Variants in WWOX observed in about 807,000 individuals in gnomAD.
WWOX encodes WW domain-containing oxidoreductase.
Under a neutral mutation model 46.2 loss-of-function variants are expected in WWOX, and 69 were observed. That is an observed-to-expected ratio of 1.49 (90% confidence interval 1.23 to 1.82). The LOEUF is 1.82. Ranked by LOEUF, WWOX falls within the 40% of genes most tolerant of loss-of-function variation. The pLI is 0.00. For synonymous variants in WWOX, 359 were observed against 202.6 expected (o/e 1.77, Z -6.56); for missense variants, 919 against 542.6 (o/e 1.69, Z -6.89).
At chr16:79,186,468 T>A (rs954673164) in intron 8 of WWOX, among the ~76,000 whole-genome samples, 1 of 152,212 alleles carries the variant, frequency 6.6e-6, no homozygotes, top group Non-Finnish European at 1.5e-5. Context: ...TCCCTGTGTG[T>A]TTCTGGATCT....
intron 8 of WWOX, among the ~76,000 whole-genome samples, chr16:78,874,036 C>T (rs552409951): frequency 3.2e-4 from 49 of 151,544 alleles, no homozygotes; most frequent in African/African-American, 9.7e-4. Context: ...CCGGGGTGGG[C>T]GGATCACAAG....
At chr16:78,642,063 A>C (rs1289618034) in intron 8 of WWOX, among the ~76,000 whole-genome samples, 1 of 152,238 alleles carries the variant, frequency 6.6e-6, no homozygotes, top group East Asian at 1.9e-4. Context: ...ATACTCCAGT[A>C]CATTGAGTGT....
chr16:78,179,592 A>T (rs2035463194), intron 5 of WWOX: 1 of 152,246 alleles, frequency 6.6e-6, no homozygotes, highest in Admixed American at 6.5e-5. Flanking sequence ...GATAATAATA[A>T]TAATAACAGT....
intron 4 of WWOX, among the ~76,000 whole-genome samples, chr16:78,148,809 A>G (rs1408964603): frequency 6.8e-6 from 1 of 147,298 alleles, no homozygotes; most frequent in African/African-American, 2.5e-5. Flanking sequence ...GAGGCAGGAG[A>G]ATGGCGTGAA....
At chr16:78,605,582 C>G (rs1158549012) in intron 8 of WWOX, among the ~76,000 whole-genome samples, 1 of 152,180 alleles carries the variant, frequency 6.6e-6, no homozygotes, top group Non-Finnish European at 1.5e-5. Context: ...CAACCAATGC[C>G]TGCCCTTTCT....
intron 8 of WWOX, among the ~76,000 whole-genome samples, chr16:78,899,877 G>T (rs2044785773): frequency 6.6e-6 from 1 of 152,152 alleles, no homozygotes; most frequent in Non-Finnish European, 1.5e-5. Context: ...CATAAATACA[G>T]CCCATTAACA....
chr16:79,144,250 A>G lies in WWOX; in HGVS notation c.1057-67358A>G, dbSNP rs146398102. ...ACCAGGATTTTCATCCCAGCTCTCCAATCCCCCAGCTGTGTGGGCCTGGTC... is the reference window on the plus strand; with the variant it reads ...ACCAGGATTTTCATCCCAGCTCTCCGATCCCCCAGCTGTGTGGGCCTGGTC... On this transcript the variant is annotated intron_variant, in intron 8 of 8. Coordinates refer to ENST00000566780, the MANE Select transcript of WWOX (RefSeq NM_016373.4). 2.6e-3 allele frequency among the ~76,000 whole-genome samples: 396 copies of G among 152,256 alleles called. 2 individuals carry two copies. The highest frequency in any genetic ancestry group is 9.1e-3 in the African/African-American group (376 of 41,544).
At chr16:78,590,444 A>T (rs1212109135) in intron 8 of WWOX, among the ~76,000 whole-genome samples, 1 of 152,188 alleles carries the variant, frequency 6.6e-6, no homozygotes, top group Non-Finnish European at 1.5e-5. Context: ...CAACTCTAAT[A>T]TTATTTGAGC....
intron 8 of WWOX, among the ~76,000 whole-genome samples, chr16:79,056,103 C>T (rs569062401): frequency 2.0e-4 from 30 of 152,032 alleles, no homozygotes; most frequent in Non-Finnish European, 3.2e-4. Flanking sequence ...AGGAAAACCA[C>T]TATCCCCATT....
intron 8 of WWOX, among the ~76,000 whole-genome samples, chr16:78,886,487 G>T (rs748497390): frequency 6.6e-6 from 1 of 151,586 alleles, no homozygotes; most frequent in Non-Finnish European, 1.5e-5. Context: ...GAACATCTCT[G>T]TACAAAATTC....
intron 5 of WWOX, among the ~76,000 whole-genome samples, chr16:78,358,171 C>T (rs564403559): frequency 7.8e-4 from 119 of 152,302 alleles, no homozygotes; most frequent in Non-Finnish European, 1.4e-3. Flanking sequence ...TCTCAACACA[C>T]ATTAATCAAC....
chr16:78,295,117 T>A (rs575837217), intron 5 of WWOX, among the ~76,000 whole-genome samples: 1 of 152,010 alleles, frequency 6.6e-6, no homozygotes, highest in South Asian at 2.1e-4. Flanking sequence ...AATCCAGGAG[T>A]CTCATGTCCC....
intron 5 of WWOX, among the ~76,000 whole-genome samples, chr16:78,316,459 C>T (rs1264385538): frequency 6.6e-6 from 1 of 152,104 alleles, no homozygotes; most frequent in African/African-American, 2.4e-5. Flanking sequence ...TCTCCTGCCT[C>T]AGGCTCCTGA....
intron 8 of WWOX, among the ~76,000 whole-genome samples, chr16:78,611,839 G>A (rs1178629154): frequency 6.6e-6 from 1 of 152,168 alleles, no homozygotes; most frequent in Admixed American, 6.5e-5. Flanking sequence ...GAGACCAAAG[G>A]ATCTTAAAGT....
chr16:78,551,897 T>C (rs1051211862), intron 8 of WWOX: 3 of 152,236 alleles, frequency 2.0e-5, no homozygotes, highest in Non-Finnish European at 2.9e-5. Flanking sequence ...GTTTCTGTTA[T>C]GTGGTTTGCA....
intron 8 of WWOX, among the ~76,000 whole-genome samples, chr16:78,877,266 G>C (rs890123099): frequency 6.9e-6 from 1 of 144,868 alleles, no homozygotes; most frequent in Non-Finnish European, 1.5e-5. Flanking sequence ...CCCTCTGTAT[G>C]CCCTGCCTGC....
At chr16:78,792,495 A>G (rs1460494125) in intron 8 of WWOX, among the ~76,000 whole-genome samples, 1 of 152,206 alleles carries the variant, frequency 6.6e-6, no homozygotes, top group Admixed American at 6.5e-5. Context: ...TACAGACTGA[A>G]AAGGTGCTGC....
intron 6 of WWOX, among the ~76,000 whole-genome samples, chr16:78,422,714 C>CACACACACATATATATATAT (rs2082967519): frequency 9.2e-6 from 1 of 108,414 alleles, no homozygotes; most frequent in Non-Finnish European, 1.9e-5. Flanking sequence ...TATATATACA[C>CACACACACATATATATATAT]ACACACATAT....
At chr16:79,007,461 G>C (rs568384476) in intron 8 of WWOX, among the ~76,000 whole-genome samples, 18 of 152,306 alleles carry the variant, frequency 1.2e-4, no homozygotes, top group Non-Finnish European at 5.9e-5. Context: ...GATGAGGCCA[G>C]GGGATTGTTA....
Sources: allele counts gnomAD v4.1 joint callset (sites outside exome capture counted in the v4.1 genomes callset), GRCh38; gene constraint gnomAD v4.1.1; transcripts MANE v1.5; gene names NCBI Gene and HGNC (gene_info 2026-07-23, HGNC 2026-07-21).